The following FMNL2 variants were observed in gnomAD, a reference collection of about 807,000 sequenced individuals.
The protein encoded by FMNL2 is formin-like protein 2.
In FMNL2, 51 loss-of-function variants were observed where a neutral mutation model predicts 130.2. That is an observed-to-expected ratio of 0.39 (90% CI 0.31 to 0.49). The LOEUF is 0.49. Ranked by LOEUF, FMNL2 falls within the 20% of genes least tolerant of loss-of-function variation. The pLI, the probability that FMNL2 is intolerant of heterozygous loss-of-function variation, is 0.85. For synonymous variants in FMNL2, 465 were observed against 467.1 expected (o/e 1.00, Z 0.06); for missense variants, 977 against 1,316.2 (o/e 0.74, Z 3.99).
At chr2:152,617,560 A>AT (rs751588740) in intron 13 of FMNL2, among the ~76,000 whole-genome samples, 13 of 152,160 alleles carry the variant, frequency 8.5e-5, no homozygotes, top group Admixed American at 2.6e-4. Flanking sequence ...GCTTCTTTGT[A>AT]TTTTTTTGCT....
chr2:152,486,899 T>A (rs1690858931), intron 1 of FMNL2, among the ~76,000 whole-genome samples: 1 of 152,230 alleles, frequency 6.6e-6, no homozygotes, highest in African/African-American at 2.4e-5. Context: ...TAGCAAAATA[T>A]AACAGAAATG....
chr2:152,343,450 C>T (rs1681929893), intron 1 of FMNL2, among the ~76,000 whole-genome samples: 1 of 152,152 alleles, frequency 6.6e-6, no homozygotes, highest in Admixed American at 6.5e-5. Context: ...CACGCACCAC[C>T]ACACCCAGCT....
intron 2 of FMNL2, among the ~76,000 whole-genome samples, chr2:152,541,320 C>A (rs1430512870): frequency 6.6e-6 from 1 of 152,024 alleles, no homozygotes; most frequent in Admixed American, 6.6e-5. Context: ...CCACACCCAG[C>A]TAATTTTTTG....
chr2:152,335,661 C>A lies in FMNL2; in HGVS notation c.58C>A (p.Pro20Thr). Residue 20 changes from proline (P) to threonine (T), a missense_variant, in exon 1 of 26, where the codon CCT (proline) becomes ACT (threonine). Pro to Thr is a conservative substitution (Grantham distance 38, BLOSUM62 -1). This residue lies in a region of FMNL2 where 117 missense variants were observed against 134.9 expected (regional missense o/e 0.87). Transcript: ENST00000288670. ...GACCGATTTCAGGGCGCACAACGTG[C>A]CTTTGAAGCTGCCGATGCCAGAGCC... ...QQTDFRAHNV[P>T]LKLPMPEPGE... The A allele has an allele frequency of 6.3e-7, 1 of 1,594,160 alleles. No homozygotes were observed. Among genetic ancestry groups the A allele is most frequent in the Non-Finnish European group, 8.5e-7 (1 of 1,170,160 alleles).
At chr2:152,593,902 T>TGTGTGTGTGA (rs1296082394) in intron 9 of FMNL2, among the ~76,000 whole-genome samples, 68 of 81,624 alleles carry the variant, frequency 8.3e-4, no homozygotes, top group South Asian at 5.6e-3. Flanking sequence ...TGTGTGTGTG[T>TGTGTGTGTGA]GAGAGAGAGA....
chr2:152,431,532 A>G (rs1441822875), intron 1 of FMNL2, among the ~76,000 whole-genome samples: 1 of 152,212 alleles, frequency 6.6e-6, no homozygotes, highest in Non-Finnish European at 1.5e-5. Context: ...TGTTTTTGAA[A>G]CCATTGTGAT....
chr2:152,512,249 C>G (rs1233570331), intron 1 of FMNL2, among the ~76,000 whole-genome samples: 1 of 152,116 alleles, frequency 6.6e-6, no homozygotes, highest in Non-Finnish European at 1.5e-5. Flanking sequence ...AGACAGCAGA[C>G]CTCTAATGAA....
chr2:152,640,067 CCGCA>C lies in FMNL2; in HGVS notation c.3045+13_3045+16del. The stretch of plus-strand genomic sequence containing the variant: ...CAGCAGGATCCAAAGGTAAGAAGTG[CCGCA>C]CTCATGAGACAGGTCCGTGAGGAGA... On this transcript the variant is annotated intron_variant, in intron 24 of 25. Transcript: ENST00000288670. The C allele has an allele frequency of 6.5e-7, 1 of 1,542,870 alleles. No homozygotes were observed. The highest frequency in any genetic ancestry group is 1.2e-5 in the South Asian group (1 of 82,418).
chr2:152,563,919 C>T (rs965620899), intron 6 of FMNL2, among the ~76,000 whole-genome samples: 6 of 152,062 alleles, frequency 3.9e-5, no homozygotes, highest in African/African-American at 1.4e-4. Flanking sequence ...GGCTTCAAAC[C>T]GGAAAATCTC....
chr2:152,562,615 T>C (rs927093121), intron 6 of FMNL2, among the ~76,000 whole-genome samples: 1 of 152,224 alleles, frequency 6.6e-6, no homozygotes, highest in Non-Finnish European at 1.5e-5. Context: ...AATGAATTGA[T>C]TCAATATTAA....
intron 1 of FMNL2, among the ~76,000 whole-genome samples, chr2:152,506,870 A>G (rs535931025): frequency 2.6e-5 from 4 of 152,352 alleles, no homozygotes; most frequent in African/African-American, 9.6e-5. Flanking sequence ...TTCTAAAAGC[A>G]TAATTACTTA....
chr2:152,590,476 G>T (rs549346528), intron 9 of FMNL2, among the ~76,000 whole-genome samples: 6 of 151,832 alleles, frequency 4.0e-5, no homozygotes, highest in Non-Finnish European at 8.8e-5. Flanking sequence ...AAAATTAGCT[G>T]GGTGGCATGT....
intron 10 of FMNL2, among the ~76,000 whole-genome samples, chr2:152,608,364 AAAAAAAAG>A (rs558571623): frequency 0.28 from 14,295 of 51,314 alleles, 1,082 homozygotes; most frequent in Admixed American, 0.43. Flanking sequence ...TTTTGTGAAA[AAAAAAAAG>A]AAAAAAAAAA....
At chr2:152,352,952 T>G (rs926797478) in intron 1 of FMNL2, among the ~76,000 whole-genome samples, 3 of 152,156 alleles carry the variant, frequency 2.0e-5, no homozygotes, top group Non-Finnish European at 4.4e-5. Context: ...GTGTTGGAGA[T>G]TGCTTATTTT....
intron 6 of FMNL2, among the ~76,000 whole-genome samples, chr2:152,573,273 G>A (rs897219812): frequency 2.6e-5 from 4 of 152,160 alleles, no homozygotes; most frequent in African/African-American, 9.7e-5. Flanking sequence ...TTCAGGGTGA[G>A]AAATGACACC....
At chr2:152,607,470 TAC>T (rs3080598) in intron 10 of FMNL2, 57 bp downstream of exon 10, 180,901 of 611,712 alleles carry the variant, frequency 0.3, 15,772 homozygotes, top group Non-Finnish European at 0.33. Context: ...TTTTTCTAAA[TAC>T]ACACACACAC....
chr2:152,608,416 G>A lies in FMNL2; in HGVS notation c.951+1003G>A, dbSNP rs550823382. Among the ~76,000 whole-genome samples, 65 of 142,846 alleles carry A rather than the reference G, an allele frequency of 4.6e-4. No homozygotes were observed. The South Asian group carries it at 6.6e-3, about 15-fold the overall frequency. The allele number at this position is 142,846 out of a possible 152,430, so 93.7% of individuals were successfully genotyped here. A position where few individuals can be genotyped will look rare whatever the true frequency, so the allele number is the denominator to read the frequency against. On this transcript the variant is annotated intron_variant, in intron 10 of 25. Coordinates refer to ENST00000288670, the MANE Select transcript of FMNL2 (RefSeq NM_052905.4). ...TTTGGAGTCCTCAAGTTTTATATGC[G>A]TCTTAGCCCTCAGCCCCTTCCAAAA...
chr2:152,364,909 G>C (rs897696979), intron 1 of FMNL2, among the ~76,000 whole-genome samples: 1 of 152,210 alleles, frequency 6.6e-6, no homozygotes, highest in Non-Finnish European at 1.5e-5. Context: ...TAATGCCTTA[G>C]TTAAGCTGAA....
At chr2:152,369,633 T>G (rs1168658250) in intron 1 of FMNL2, among the ~76,000 whole-genome samples, 1 of 152,234 alleles carries the variant, frequency 6.6e-6, no homozygotes, top group African/African-American at 2.4e-5. Flanking sequence ...CACATGCAAC[T>G]TAGCCTCTGT....
Sources: allele counts gnomAD v4.1 joint callset (sites outside exome capture counted in the v4.1 genomes callset), GRCh38; gene constraint gnomAD v4.1.1; regional missense constraint gnomAD v4.1.1; transcripts MANE v1.5; gene names NCBI Gene and HGNC (gene_info 2026-07-23, HGNC 2026-07-21).